Variants in PALLD observed in about 807,000 individuals in gnomAD.
PALLD encodes palladin, cytoskeletal associated protein, also known as palladin.
Under a neutral mutation model 123.5 loss-of-function variants are expected in PALLD, and 61 were observed. That is an observed-to-expected ratio of 0.49 (90% CI 0.40 to 0.61). PALLD has a LOEUF of 0.61. Ranked by LOEUF, PALLD falls within the 20% of genes least tolerant of loss-of-function variation. PALLD has a pLI of 0.00. For missense variants in PALLD, 1,273 were observed against 1,377.0 expected, an observed-to-expected ratio of 0.92 and a Z score of 1.20; for synonymous variants, 465 against 496.4, an observed-to-expected ratio of 0.94 and a Z score of 0.84.
intron 10 of PALLD, among the ~76,000 whole-genome samples, chr4:168,750,575 T>C (rs1230848147): frequency 6.6e-6 from 1 of 152,178 alleles, no homozygotes; most frequent in Non-Finnish European, 1.5e-5. Context: ...TTAGTATGCT[T>C]TTTTCTTTGT....
At chr4:168,915,584 A>G (rs939614933) in intron 16 of PALLD, among the ~76,000 whole-genome samples, 1 of 152,216 alleles carries the variant, frequency 6.6e-6, no homozygotes, top group Non-Finnish European at 1.5e-5. Context: ...TAAATGAGCA[A>G]TAATGCTACT....
intron 2 of PALLD, chr4:168,648,114 A>G (rs1002144778): frequency 2.0e-5 from 3 of 152,042 alleles, no homozygotes; most frequent in Admixed American, 6.6e-5. Context: ...CTTCTTATAA[A>G]GAGATAGTAT....
chr4:168,921,398 ACT>A (rs1356787513), intron 17 of PALLD, 134 bp from the exon 18 acceptor site: 1 of 568,554 alleles, frequency 1.8e-6, no homozygotes, highest in Non-Finnish European at 2.9e-6. Context: ...TAAGAGTGAA[ACT>A]CTGTCCAAAA....
rs1479649043 is a variant in PALLD at position 168,924,242 on chromosome 4, C to CATG, written c.3059-12_3059-10dup. 6.2e-7 allele frequency: 1 copy of CATG among 1,610,860 alleles called. No individual in the cohort carries two copies. Among genetic ancestry groups the CATG allele is most frequent in the Non-Finnish European group, 8.5e-7 (1 of 1,177,248 alleles). ...TATATCATTGATAGAGAATTCATCT[C>CATG]ATGTTTTCTTAGCTAAAGAAGCACA... On this transcript the variant is annotated splice_polypyrimidine_tract_variant and intron_variant, in intron 18 of 21. Coordinates refer to ENST00000505667, the MANE Select transcript of PALLD (RefSeq NM_001166108.2).
Position 168,891,949 on chromosome 4 carries a change from A to G in PALLD, c.2100+892A>G, listed in dbSNP as rs530416327. On this transcript the variant is annotated intron_variant, in intron 11 of 21. Coordinates refer to ENST00000505667, the MANE Select transcript of PALLD (RefSeq NM_001166108.2). The stretch of plus-strand genomic sequence containing the variant: ...CATCTGAAAGAGTAAAGGCTGTTCC[A>G]AAATCTTGTTCTGGTTTGTTAGAGC... Among the ~76,000 whole-genome samples the G allele has an allele frequency of 1.8e-3, 269 of 152,326 alleles. 1 individual carries two copies. The highest frequency in any genetic ancestry group is 5.9e-3 in the African/African-American group (246 of 41,578).
At chr4:168,612,583 C>T (rs548585879) in intron 2 of PALLD, among the ~76,000 whole-genome samples, 84 of 152,236 alleles carry the variant, frequency 5.5e-4, no homozygotes, top group Admixed American at 3.1e-3. Context: ...TTCTTTAGGT[C>T]GAAAATCTGG....
chr4:168,751,309 G>A (rs1048150923), intron 10 of PALLD, among the ~76,000 whole-genome samples: 1 of 152,116 alleles, frequency 6.6e-6, no homozygotes, highest in Non-Finnish European at 1.5e-5. Flanking sequence ...ACCGTGCCCA[G>A]TCCACATATT....
intron 2 of PALLD, among the ~76,000 whole-genome samples, chr4:168,561,217 C>T (rs1403380751): frequency 6.6e-6 from 1 of 152,060 alleles, no homozygotes; most frequent in Non-Finnish European, 1.5e-5. Context: ...TAGACAGATA[C>T]ACTACCTAAT....
chr4:168,675,972 C>A (rs969988093), intron 3 of PALLD, among the ~76,000 whole-genome samples: 2 of 152,180 alleles, frequency 1.3e-5, no homozygotes, highest in Non-Finnish European at 2.9e-5. Flanking sequence ...GGGAGGGTCA[C>A]TTGAGCCCAG....
At chr4:168,853,562 G>A (rs770001805) in intron 10 of PALLD, among the ~76,000 whole-genome samples, 133 of 152,286 alleles carry the variant, frequency 8.7e-4, no homozygotes, top group Admixed American at 2.8e-3. Flanking sequence ...AAGAGCCTCA[G>A]GAAGTGATGT....
intron 2 of PALLD, among the ~76,000 whole-genome samples, chr4:168,551,833 T>C (rs1766767242): frequency 6.6e-6 from 1 of 152,150 alleles, no homozygotes. Flanking sequence ...TTATGATCAG[T>C]GCTGGAAACA....
chr4:168,603,911 A>T (rs898678152), intron 2 of PALLD, among the ~76,000 whole-genome samples: 2 of 152,250 alleles, frequency 1.3e-5, no homozygotes, highest in East Asian at 3.8e-4. Context: ...TGCTTCATCA[A>T]TCTCCAAGTA....
rs1201279284 is a variant in PALLD at position 168,878,039 on chromosome 4, C to T, written c.1965-12883C>T. 5.4e-6 allele frequency: 8 copies of T among 1,487,222 alleles called. No individual in the cohort carries two copies. The South Asian group carries it at 8.8e-5, about 16-fold the overall frequency. 92.1% of individuals were successfully genotyped at this position (1,487,222 alleles called of 1,614,324 possible). On this transcript the variant is annotated intron_variant, in intron 10 of 21. Coordinates refer to ENST00000505667, the MANE Select transcript of PALLD (RefSeq NM_001166108.2). Reference sequence around the variant, plus strand: ...GGCCTCCAGCCCCAGCTCGTCCAGCCTCCCGTCGCCCATGTCCCCGACGCC... The same window carrying T: ...GGCCTCCAGCCCCAGCTCGTCCAGCTTCCCGTCGCCCATGTCCCCGACGCC...
chr4:168,740,919 C>T (rs1788265332), intron 10 of PALLD, among the ~76,000 whole-genome samples: 1 of 152,214 alleles, frequency 6.6e-6, no homozygotes, highest in African/African-American at 2.4e-5. Context: ...TGTTCTGTGA[C>T]ATCTGTTTTC....
At chr4:168,736,892 G>C (rs1787811643) in intron 10 of PALLD, among the ~76,000 whole-genome samples, 1 of 152,174 alleles carries the variant, frequency 6.6e-6, no homozygotes, top group African/African-American at 2.4e-5. Flanking sequence ...ACAGTGGGAG[G>C]GGGAGGGGAG....
intron 2 of PALLD, among the ~76,000 whole-genome samples, chr4:168,563,988 T>C (rs1768112934): frequency 6.6e-6 from 1 of 152,242 alleles, no homozygotes; most frequent in African/African-American, 2.4e-5. Context: ...ACCCATTAAG[T>C]AGTCTGCCTT....
intron 8 of PALLD, among the ~76,000 whole-genome samples, chr4:168,699,561 A>G (rs939609911): frequency 2.0e-5 from 3 of 151,134 alleles, no homozygotes; most frequent in African/African-American, 7.3e-5. Flanking sequence ...AAAGGAAGCC[A>G]TTTATGAAAA....
At chr4:168,679,789 G>C (rs1781360983) in intron 3 of PALLD, among the ~76,000 whole-genome samples, 2 of 151,954 alleles carry the variant, frequency 1.3e-5, no homozygotes, top group Admixed American at 1.3e-4. Context: ...TTTTAACAGG[G>C]AAAGTGTGCT....
At chr4:168,573,693 C>T (rs1030485514) in intron 2 of PALLD, among the ~76,000 whole-genome samples, 5 of 152,014 alleles carry the variant, frequency 3.3e-5, no homozygotes, top group African/African-American at 1.2e-4. Flanking sequence ...GAAAAGGATC[C>T]CTGGAGAAAA....
Sources: allele counts gnomAD v4.1 joint callset (sites outside exome capture counted in the v4.1 genomes callset), GRCh38; gene constraint gnomAD v4.1.1; transcripts MANE v1.5; gene names NCBI Gene and HGNC (gene_info 2026-07-23, HGNC 2026-07-21).